The following TFCP2L1 variants were observed in gnomAD, a reference collection of about 807,000 sequenced individuals.
TFCP2L1 encodes the protein transcription factor CP2 like 1.
In TFCP2L1, 12 loss-of-function variants were observed where a neutral mutation model predicts 72.2. The observed-to-expected ratio is 0.17, with a 90% CI of 0.11 to 0.27. TFCP2L1 has a LOEUF of 0.27. Ranked by LOEUF, TFCP2L1 falls within the 10% of genes least tolerant of loss-of-function variation. The probability of loss-of-function intolerance (pLI) is 1.00; values close to 1 mark genes in which losing one functional copy is unlikely to be tolerated. For synonymous variants in TFCP2L1, 260 were observed against 251.0 expected, an observed-to-expected ratio of 1.04 and a Z score of -0.34; for missense variants, 488 against 624.6, an observed-to-expected ratio of 0.78 and a Z score of 2.33.
At chr2:121,235,080 T>C in intron 11 of TFCP2L1, 141 bp downstream of exon 11, 1 of 816,310 alleles carries the variant, frequency 1.2e-6, no homozygotes, top group Admixed American at 2.2e-5. Context: ...CCACATTTCC[T>C]CCTACACTTG....
chr2:121,270,787 T>C (rs558637713), intron 2 of TFCP2L1, among the ~76,000 whole-genome samples: 3 of 151,752 alleles, frequency 2.0e-5, no homozygotes, highest in East Asian at 3.9e-4. Flanking sequence ...GAAAATTGCT[T>C]GAGCCCAAGA....
At chr2:121,257,934 G>A (rs939235343) in intron 2 of TFCP2L1, among the ~76,000 whole-genome samples, 3 of 151,972 alleles carry the variant, frequency 2.0e-5, no homozygotes, top group Non-Finnish European at 2.9e-5. Flanking sequence ...TCTGAGAACC[G>A]GCCCGCCACC....
intron 1 of TFCP2L1, among the ~76,000 whole-genome samples, chr2:121,282,179 C>G (rs1166078453): frequency 6.6e-6 from 1 of 151,896 alleles, no homozygotes; most frequent in East Asian, 1.9e-4. Flanking sequence ...GTGATCCACC[C>G]TCCTCGGCCT....
chr2:121,269,918 A>AAAAAAAAAAAAAAAAAAATATATAT, intron 2 of TFCP2L1, among the ~76,000 whole-genome samples: 6 of 115,176 alleles, frequency 5.2e-5, no homozygotes, highest in African/African-American at 2.2e-4. Context: ...AAAAAAAAAA[A>AAAAAAAAAAAAAAAAAAATATATAT]ATATATATAT....
intron 2 of TFCP2L1, among the ~76,000 whole-genome samples, chr2:121,269,918 A>AAAAT: frequency 4.3e-4 from 49 of 115,178 alleles, no homozygotes; most frequent in African/African-American, 1.7e-3. Context: ...AAAAAAAAAA[A>AAAAT]ATATATATAT....
At chr2:121,239,974 C>A in intron 7 of TFCP2L1, 1 of 925,722 alleles carries the variant, frequency 1.1e-6, no homozygotes, top group Non-Finnish European at 1.3e-6. Flanking sequence ...AAAAACGAAA[C>A]CAGCCAGTTG....
At chr2:121,281,300 A>C (rs1001801054) in intron 1 of TFCP2L1, 29 bp from the exon 2 acceptor site, 1 of 1,567,180 alleles carries the variant, frequency 6.4e-7, no homozygotes, top group African/African-American at 1.4e-5. Flanking sequence ...AGAGGTCAGG[A>C]GCAGAGCCCC....
Position 121,222,414 on chromosome 2 carries a change from T to C in TFCP2L1, c.*1927A>G, listed in dbSNP as rs1364857567. 1 of 152,234 alleles carries C rather than the reference T, an allele frequency of 6.6e-6. No homozygotes were observed. Among genetic ancestry groups the C allele is most frequent in the Non-Finnish European group, 1.5e-5 (1 of 68,036 alleles). The allele number at this position is 152,234 out of a possible 1,614,324, so 9.4% of individuals were successfully genotyped here. A position where few individuals can be genotyped will look rare whatever the true frequency, so the allele number is the denominator to read the frequency against. ...TAAAAACACACAAATGTCCATCAAC[T>C]GATGAATCAATAAACAAATGTGGTC... On this transcript the variant is annotated 3_prime_UTR_variant, in exon 15 of 15. Coordinates refer to ENST00000263707, the MANE Select transcript of TFCP2L1 (RefSeq NM_014553.3).
chr2:121,230,764 C>A (rs991862102), intron 13 of TFCP2L1, among the ~76,000 whole-genome samples: 2 of 145,926 alleles, frequency 1.4e-5, no homozygotes, highest in Admixed American at 6.7e-5. Flanking sequence ...TCTTGTCTCA[C>A]AACAACAACA....
rs1686394255 is a variant in TFCP2L1, at chr2:121,242,405, T to A, written c.722A>T (p.Glu241Val). 1 of 1,614,092 alleles carries A rather than the reference T, an allele frequency of 6.2e-7. No individual in the cohort carries two copies. Residue 241 changes from glutamate (E) to valine (V), a missense_variant, in exon 7 of 15, where the codon GAG becomes GTG. Glu to Val is a moderately radical substitution (Grantham distance 121). Transcript: ENST00000263707. The part of the protein sequence containing the change: ...REKMEKRTAQ[E>V]KEKYQPSYET... Reference sequence around the variant, plus strand: ...ATAGGACGGCTGGTATTTCTCCTTCTCTTGGGCAGTTCTTTTCTCCATCTT... The same window carrying A: ...ATAGGACGGCTGGTATTTCTCCTTCACTTGGGCAGTTCTTTTCTCCATCTT...
Position 121,239,567 on chromosome 2 carries a change from A to T in TFCP2L1, c.851T>A (p.Leu284His). Residue 284 changes from leucine to histidine, a missense_variant, in exon 8 of 15, where the codon CTC (leucine) becomes CAC (histidine). Leu to His is a moderately conservative substitution (Grantham distance 99, BLOSUM62 -3). Coordinates refer to ENST00000263707, the MANE Select transcript of TFCP2L1 (RefSeq NM_014553.3). ...GAGAGGTGGGACGTACCCTTCGCCG[A>T]GGCCAAAGCTGTTTGGAGAACCATT... ...SYNGSPNSFG[L>H]GEGNASPTHP... is the part of the protein sequence containing the mutation. 1 of 1,614,202 alleles carries T rather than the reference A, an allele frequency of 6.2e-7. No individual in the cohort carries two copies. Among genetic ancestry groups the T allele is most frequent in the Non-Finnish European group, 8.5e-7 (1 of 1,180,028 alleles).
At chr2:121,235,429 C>T in intron 10 of TFCP2L1, 118 bp from the exon 11 acceptor site, 2 of 985,186 alleles carry the variant, frequency 2.0e-6, no homozygotes, top group Non-Finnish European at 3.2e-6. Flanking sequence ...GCCAGCTGCA[C>T]TATCTCACAG....
chr2:121,225,182 C>T lies in TFCP2L1; in HGVS notation c.1393+380G>A, dbSNP rs533298490. On this transcript the variant is annotated intron_variant, in intron 14 of 14. Transcript: ENST00000263707. ...TAAATACATGTTCTTGGCCCACAGGCTCTTCCTCGGCAGAGCACAGGCACA... is the reference window on the plus strand; with the variant it reads ...TAAATACATGTTCTTGGCCCACAGGTTCTTCCTCGGCAGAGCACAGGCACA... Among the ~76,000 whole-genome samples the T allele has an allele frequency of 3.9e-5, 6 of 152,258 alleles. No individual in the cohort carries two copies. In the East Asian group the frequency reaches 1.2e-3, roughly 29 times the overall value.
chr2:121,257,616 C>G (rs1047670284), intron 2 of TFCP2L1, among the ~76,000 whole-genome samples: 1 of 152,230 alleles, frequency 6.6e-6, no homozygotes, highest in Non-Finnish European at 1.5e-5. Context: ...ACACCTCCAG[C>G]CCAAGCATCA....
intron 1 of TFCP2L1, among the ~76,000 whole-genome samples, chr2:121,284,706 G>C (rs1219528848): frequency 6.6e-6 from 1 of 152,194 alleles, no homozygotes; most frequent in Non-Finnish European, 1.5e-5. Context: ...TCTCCGATAC[G>C]CGGGGGAGAG....
chr2:121,258,138 A>G (rs1558739845), intron 2 of TFCP2L1, among the ~76,000 whole-genome samples: 1 of 152,230 alleles, frequency 6.6e-6, no homozygotes, highest in Non-Finnish European at 1.5e-5. Flanking sequence ...TGCCAAATGA[A>G]AACAATGCAG....
At chr2:121,281,030 G>T (rs1315192325) in intron 2 of TFCP2L1, 90 bp downstream of exon 2, 6 of 1,567,086 alleles carry the variant, frequency 3.8e-6, no homozygotes, top group Non-Finnish European at 5.2e-6. Flanking sequence ...CTCACCCACC[G>T]TAACAAAGTC....
chr2:121,271,168 C>T (rs568302425), intron 2 of TFCP2L1, among the ~76,000 whole-genome samples: 10 of 148,562 alleles, frequency 6.7e-5, no homozygotes, highest in African/African-American at 2.2e-4. Context: ...CCAGCCTGGG[C>T]GACAGGGCAA....
At chr2:121,237,762 C>A in intron 9 of TFCP2L1, 40 bp downstream of exon 9, 1 of 1,613,976 alleles carries the variant, frequency 6.2e-7, no homozygotes, top group Non-Finnish European at 8.5e-7. Flanking sequence ...TCAGGGCCCA[C>A]GAGGGACCAC....
Sources: gnomAD v4.1 joint callset for allele counts (sites outside exome capture counted in the v4.1 genomes callset) on GRCh38, gnomAD v4.1.1 for gene constraint, MANE v1.5 for transcripts, NCBI Gene and HGNC (gene_info 2026-07-23, HGNC 2026-07-21) for gene names.